Variants in DZANK1 observed in about 807,000 individuals in gnomAD.
DZANK1 encodes double zinc ribbon and ankyrin repeat domains 1, also known as double zinc ribbon and ankyrin repeat-containing protein 1.
DZANK1 carries 91 observed loss-of-function variants against 94.5 expected under a neutral mutation model. The ratio of observed to expected loss-of-function variants is 0.96; its 90% CI spans 0.81 to 1.15. DZANK1 has a LOEUF of 1.15. Ranked by LOEUF, DZANK1 falls within the 50% of genes most tolerant of loss-of-function variation. The pLI, the probability that DZANK1 is intolerant of heterozygous loss-of-function variation, is 0.00. For synonymous variants in DZANK1, 312 were observed against 325.3 expected (o/e 0.96, Z 0.44); for missense variants, 903 against 916.4 (o/e 0.99, Z 0.19).
chr20:18,416,370 C>T (rs1313320290), intron 10 of DZANK1, among the ~76,000 whole-genome samples: 1 of 152,216 alleles, frequency 6.6e-6, no homozygotes, highest in Non-Finnish European at 1.5e-5. Flanking sequence ...CCGGTCCCAC[C>T]TTCCTTTCCA....
Position 18,462,956 on chromosome 20 carries a change from A to G in DZANK1, c.109+2294T>C, listed in dbSNP as rs1000750121. Among the ~76,000 whole-genome samples the G allele has an allele frequency of 4.2e-3, 632 of 149,842 alleles. 2 individuals carry two copies. The highest frequency in any genetic ancestry group is 0.01 in the Middle Eastern group (3 of 290). On this transcript the variant is annotated intron_variant, in intron 2 of 20. Transcript: ENST00000262547. ...CGGTCTTAAAAAAAAAAAAAAAAAA[A>G]AAAGAAAGAAATAAGAGTTGAAATA...
intron 13 of DZANK1, among the ~76,000 whole-genome samples, chr20:18,406,534 T>A (rs1157694083): frequency 1.3e-5 from 2 of 152,202 alleles, no homozygotes; most frequent in Non-Finnish European, 2.9e-5. Flanking sequence ...TGGGCCCAAA[T>A]AACCACCAGC....
intron 9 of DZANK1, 66 bp from the exon 10 acceptor site, chr20:18,427,225 C>A: frequency 8.0e-7 from 1 of 1,256,072 alleles, no homozygotes; most frequent in South Asian, 1.4e-5. Flanking sequence ...AAATCATCAA[C>A]CAGTCTTTTC....
chr20:18,396,943 A>G (rs2056377388), intron 14 of DZANK1, among the ~76,000 whole-genome samples: 1 of 152,232 alleles, frequency 6.6e-6, no homozygotes, highest in African/African-American at 2.4e-5. Flanking sequence ...TTAAGGGACA[A>G]GTATCACAGT....
chr20:18,433,918 C>A, intron 8 of DZANK1, 153 bp from the exon 9 acceptor site: 1 of 602,046 alleles, frequency 1.7e-6, no homozygotes. Context: ...TTGGTTAGTA[C>A]TTGGTGGAAG....
At chr20:18,423,856 T>A (rs1326974107) in intron 10 of DZANK1, among the ~76,000 whole-genome samples, 1 of 152,050 alleles carries the variant, frequency 6.6e-6, no homozygotes, top group Admixed American at 6.6e-5. Flanking sequence ...ATGAATAATT[T>A]GAGTTCTCAT....
intron 6 of DZANK1, 61 bp from the exon 7 acceptor site, chr20:18,449,130 C>T: frequency 7.3e-7 from 1 of 1,363,550 alleles, no homozygotes; most frequent in Non-Finnish European, 1.0e-6. Flanking sequence ...ATGGTAAAGG[C>T]TATGGTATAG....
intron 2 of DZANK1, among the ~76,000 whole-genome samples, chr20:18,461,834 A>C (rs933680221): frequency 1.3e-5 from 2 of 152,076 alleles, no homozygotes; most frequent in South Asian, 4.1e-4. Context: ...TCCTGACCTC[A>C]GGTGATCTGC....
chr20:18,384,966 G>A, intron 20 of DZANK1, 50 bp downstream of exon 20: 1 of 1,511,930 alleles, frequency 6.6e-7, no homozygotes. Flanking sequence ...AGGCCATTAG[G>A]GAGATCCCTG....
intron 8 of DZANK1, among the ~76,000 whole-genome samples, chr20:18,436,873 A>G (rs2058545552): frequency 6.6e-6 from 1 of 152,250 alleles, no homozygotes; most frequent in Admixed American, 6.5e-5. Context: ...AAAAGGCAGT[A>G]GAATGACAAA....
intron 19 of DZANK1, among the ~76,000 whole-genome samples, chr20:18,387,141 A>C (rs1440329185): frequency 1.3e-5 from 2 of 152,080 alleles, no homozygotes; most frequent in African/African-American, 4.8e-5. Flanking sequence ...TAAAGCATTC[A>C]CCATTTGAAC....
At chr20:18,429,210 C>T (rs917529935) in intron 9 of DZANK1, among the ~76,000 whole-genome samples, 6 of 152,194 alleles carry the variant, frequency 3.9e-5, no homozygotes, top group Non-Finnish European at 7.3e-5. Flanking sequence ...TAAAAGTAAT[C>T]TTTCTGTATG....
exon 17 of DZANK1, chr20:18,393,716 G>A (rs2148214173): frequency 6.2e-7 from 1 of 1,601,528 alleles, no homozygotes; most frequent in Non-Finnish European, 8.6e-7. Flanking sequence ...CTTACTATAA[G>A]CTGCTCCTTC....
At chr20:18,439,481 A>G (rs541335558) in intron 8 of DZANK1, among the ~76,000 whole-genome samples, 3 of 152,188 alleles carry the variant, frequency 2.0e-5, no homozygotes, top group Non-Finnish European at 4.4e-5. Flanking sequence ...ATACACTAGA[A>G]GGCTGCCCGT....
chr20:18,453,914 C>A (rs777948583), intron 4 of DZANK1, 87 bp from the exon 5 acceptor site: 1 of 895,230 alleles, frequency 1.1e-6, no homozygotes, highest in Non-Finnish European at 1.9e-6. Flanking sequence ...TCATGGTGTG[C>A]ATTTCTTATT....
chr20:18,387,372 C>T (rs549852737), intron 19 of DZANK1, among the ~76,000 whole-genome samples: 59 of 152,272 alleles, frequency 3.9e-4, no homozygotes, highest in Non-Finnish European at 8.1e-4. Flanking sequence ...TTTAAAGAAA[C>T]TTTACTATTC....
chr20:18,459,005 G>C (rs1420943931), intron 3 of DZANK1, among the ~76,000 whole-genome samples: 1 of 152,208 alleles, frequency 6.6e-6, no homozygotes, highest in Non-Finnish European at 1.5e-5. Flanking sequence ...AATGGTGAGA[G>C]GCATAAAGAA....
intron 8 of DZANK1, among the ~76,000 whole-genome samples, chr20:18,435,352 C>G (rs1427724120): frequency 6.6e-6 from 1 of 152,108 alleles, no homozygotes; most frequent in Non-Finnish European, 1.5e-5. Flanking sequence ...ACCCAAATGC[C>G]CATCAATGAT....
At chr20:18,451,648 A>G (rs1470620097) in intron 6 of DZANK1, among the ~76,000 whole-genome samples, 7 of 152,044 alleles carry the variant, frequency 4.6e-5, no homozygotes, top group Non-Finnish European at 1.0e-4. Flanking sequence ...CTCCACTTGG[A>G]TGTCTAATGT....
Sources: gnomAD v4.1 joint callset for allele counts (sites outside exome capture counted in the v4.1 genomes callset) on GRCh38, gnomAD v4.1.1 for gene constraint, MANE v1.5 for transcripts, NCBI Gene and HGNC (gene_info 2026-07-23, HGNC 2026-07-21) for gene names.